Variants in MECOM observed in about 807,000 individuals in gnomAD.
MECOM encodes histone-lysine N-methyltransferase MECOM.
MECOM carries 13 observed loss-of-function variants against 116.3 expected under a neutral mutation model. That is an observed-to-expected ratio of 0.11 (90% CI 0.07 to 0.18). The LOEUF (loss-of-function observed/expected upper bound fraction) is 0.18. Among genes scored for constraint, MECOM ranks in the 10% least tolerant of loss-of-function variants. MECOM has a pLI of 1.00. For missense variants in MECOM, 1,299 were observed against 1,509.0 expected (o/e 0.86, Z 2.31); for synonymous variants, 528 against 535.2 (o/e 0.99, Z 0.19).
At chr3:169,261,469 T>G (rs1577501599) in intron 2 of MECOM, among the ~76,000 whole-genome samples, 2 of 152,008 alleles carry the variant, frequency 1.3e-5, no homozygotes, top group African/African-American at 2.4e-5. Context: ...GAGGCCAAGG[T>G]GGACAGATCA....
intron 2 of MECOM, among the ~76,000 whole-genome samples, chr3:169,349,782 G>C (rs1189136829): frequency 1.3e-5 from 2 of 151,820 alleles, no homozygotes; most frequent in African/African-American, 2.4e-5. Context: ...TTTCTTCTTT[G>C]AGTCTCTGTG....
At chr3:169,601,338 G>A (rs964753722) in intron 1 of MECOM, among the ~76,000 whole-genome samples, 1 of 152,180 alleles carries the variant, frequency 6.6e-6, no homozygotes, top group Non-Finnish European at 1.5e-5. Context: ...AGGTTCTGCC[G>A]AATATGAAAA....
chr3:169,374,555 T>C (rs1167053717), intron 2 of MECOM, among the ~76,000 whole-genome samples: 2 of 151,974 alleles, frequency 1.3e-5, no homozygotes, highest in Admixed American at 6.6e-5. Flanking sequence ...TACTACACAA[T>C]GTTTTAGTGT....
chr3:169,294,658 C>T (rs997110888), intron 2 of MECOM, among the ~76,000 whole-genome samples: 1 of 152,134 alleles, frequency 6.6e-6, no homozygotes, highest in Admixed American at 6.5e-5. Flanking sequence ...AAGTTGATGA[C>T]CTTATACTCT....
intron 2 of MECOM, among the ~76,000 whole-genome samples, chr3:169,353,815 A>G (rs1221920157): frequency 6.6e-6 from 1 of 151,894 alleles, no homozygotes; most frequent in Non-Finnish European, 1.5e-5. Context: ...ACATGTTGTG[A>G]AGCTAGTTGA....
At chr3:169,453,346 G>C (rs956185342) in intron 1 of MECOM, among the ~76,000 whole-genome samples, 3 of 152,198 alleles carry the variant, frequency 2.0e-5, no homozygotes, top group Admixed American at 2.0e-4. Context: ...TGATAAAGAT[G>C]TATGTTTTTG....
Position 169,485,925 on chromosome 3 carries a change from T to TATATATGTAC in MECOM, c.38-104402_38-104401insGTACATATAT, listed in dbSNP as rs1352301016. Among the ~76,000 whole-genome samples the TATATATGTAC allele has an allele frequency of 1.2e-4, 5 of 40,240 alleles. 1 individual carries two copies. Among genetic ancestry groups the TATATATGTAC allele is most frequent in the African/African-American group, 5.9e-4 (5 of 8,414 alleles). The allele number at this position is 40,240 out of a possible 152,430, so 26.4% of individuals were successfully genotyped here. A position where few individuals can be genotyped will look rare whatever the true frequency, so the allele number is the denominator to read the frequency against. ...ATAGTATATATGTATGTATATATAG[T>TATATATGTAC]ATATATAGTATATATGTATGTATAT... On this transcript the variant is annotated intron_variant, in intron 1 of 16. Coordinates refer to ENST00000651503, the MANE Select transcript of MECOM (RefSeq NM_004991.4).
At chr3:169,400,326 G>T (rs1236582429) in intron 1 of MECOM, among the ~76,000 whole-genome samples, 1 of 152,146 alleles carries the variant, frequency 6.6e-6, no homozygotes, top group Admixed American at 6.5e-5. Context: ...ATGGATATAT[G>T]CTGCTAAATG....
At chr3:169,280,112 T>C (rs1171917110) in intron 2 of MECOM, among the ~76,000 whole-genome samples, 2 of 152,140 alleles carry the variant, frequency 1.3e-5, no homozygotes, top group Non-Finnish European at 2.9e-5. Flanking sequence ...TGAAATAAAT[T>C]GGCAAGAAGG....
intron 2 of MECOM, among the ~76,000 whole-genome samples, chr3:169,350,658 C>T (rs76388817): frequency 6.6e-6 from 1 of 151,838 alleles, no homozygotes; most frequent in Non-Finnish European, 1.5e-5. Flanking sequence ...TTTGGATCCT[C>T]TGGTTAGATA....
At chr3:169,386,185 C>G (rs149008110) in intron 1 of MECOM, among the ~76,000 whole-genome samples, 193 of 152,196 alleles carry the variant, frequency 1.3e-3, no homozygotes, top group African/African-American at 4.6e-3. Flanking sequence ...CAGAAGTATT[C>G]CATTTTGGAA....
intron 2 of MECOM, among the ~76,000 whole-genome samples, chr3:169,186,858 G>T (rs138755841): frequency 2.6e-5 from 4 of 152,010 alleles, no homozygotes; most frequent in Admixed American, 6.6e-5. Context: ...TCGTCTTTAC[G>T]TAGGTTAGTC....
intron 2 of MECOM, among the ~76,000 whole-genome samples, chr3:169,343,130 A>G (rs2149793509): frequency 6.6e-6 from 1 of 152,296 alleles, no homozygotes; most frequent in East Asian, 1.9e-4. Context: ...ACCTTTTCTC[A>G]GAGACCCATT....
At chr3:169,561,585 A>G (rs1180670095) in intron 1 of MECOM, among the ~76,000 whole-genome samples, 6 of 152,200 alleles carry the variant, frequency 3.9e-5, no homozygotes, top group African/African-American at 7.2e-5. Context: ...AAAAATATGC[A>G]TGGGATAGCT....
intron 1 of MECOM, among the ~76,000 whole-genome samples, chr3:169,416,783 A>G (rs548630672): frequency 6.6e-6 from 1 of 152,206 alleles, no homozygotes; most frequent in Non-Finnish European, 1.5e-5. Context: ...AAAATCTAGA[A>G]GCCCTCAGAA....
At chr3:169,137,003 C>T (rs1423783579) in intron 3 of MECOM, among the ~76,000 whole-genome samples, 1 of 152,094 alleles carries the variant, frequency 6.6e-6, no homozygotes, top group Admixed American at 6.6e-5. Flanking sequence ...ATACTCCCAG[C>T]AAAATCTGTA....
At chr3:169,147,555 C>T (rs1420408725) in intron 2 of MECOM, 1 of 985,326 alleles carries the variant, frequency 1.0e-6, no homozygotes, top group African/African-American at 1.7e-5. Context: ...AAAAGGTCGC[C>T]AAGACCCAAG....
chr3:169,651,000 C>T (rs1361496208), intron 1 of MECOM, among the ~76,000 whole-genome samples: 2 of 152,178 alleles, frequency 1.3e-5, no homozygotes, highest in African/African-American at 4.8e-5. Flanking sequence ...CCCTTTATTT[C>T]TTTCTCTTGT....
At chr3:169,446,918 T>C (rs1005948271) in intron 1 of MECOM, among the ~76,000 whole-genome samples, 1 of 152,218 alleles carries the variant, frequency 6.6e-6, no homozygotes, top group African/African-American at 2.4e-5. Context: ...GCACATGCCA[T>C]TGTGGTTCAC....
Sources: gnomAD v4.1 joint callset for allele counts (sites outside exome capture counted in the v4.1 genomes callset) on GRCh38, gnomAD v4.1.1 for gene constraint, MANE v1.5 for transcripts, NCBI Gene and HGNC (gene_info 2026-07-23, HGNC 2026-07-21) for gene names.